Variants in ZSWIM6 observed in about 807,000 individuals in gnomAD.
ZSWIM6 encodes the protein zinc finger SWIM domain-containing protein 6.
In ZSWIM6, 9 loss-of-function variants were observed where a neutral mutation model predicts 113.2. That is an observed-to-expected ratio of 0.08 (90% CI 0.05 to 0.14). The LOEUF is 0.14. ZSWIM6 is among the 10% of genes least tolerant of loss of function. ZSWIM6 has a pLI of 1.00. For missense variants in ZSWIM6, 1,162 were observed against 1,552.2 expected, an observed-to-expected ratio of 0.75 and a Z score of 4.22; for synonymous variants, 611 against 606.5, an observed-to-expected ratio of 1.01 and a Z score of -0.11.
chr5:61,371,248 A>G (rs1745255861), intron 1 of ZSWIM6, among the ~76,000 whole-genome samples: 1 of 152,012 alleles, frequency 6.6e-6, no homozygotes, highest in Non-Finnish European at 1.5e-5. Flanking sequence ...CTCCACCTAG[A>G]TTTTGTTTTA....
In ZSWIM6 at chr5:61,472,599, C is replaced by T; in HGVS notation, c.677-82C>T. ...ATTTTTTTCTTGCTGCTGTCAAGTC[C>T]CACACATTTCAAAGAATTAGAGCAT... On this transcript the variant is annotated intron_variant, in intron 1 of 13. Coordinates refer to ENST00000252744, the MANE Select transcript of ZSWIM6 (RefSeq NM_020928.2). This position sits in a 1 kb window ranked among gnomAD's most constrained non-coding sequence, Gnocchi z 4.1. The T allele has an allele frequency of 8.8e-7, 1 of 1,141,458 alleles. No individual in the cohort carries two copies. Among genetic ancestry groups the T allele is most frequent in the South Asian group, 2.0e-5 (1 of 49,372 alleles). 70.7% of individuals were successfully genotyped at this position (1,141,458 alleles called of 1,614,324 possible).
At chr5:61,389,610 G>A (rs1222917179) in intron 1 of ZSWIM6, among the ~76,000 whole-genome samples, 3 of 146,458 alleles carry the variant, frequency 2.0e-5, no homozygotes, top group African/African-American at 7.6e-5. Context: ...AGCTGGGAAA[G>A]CGAGAAAGTC....
intron 1 of ZSWIM6, among the ~76,000 whole-genome samples, chr5:61,333,876 G>C (rs1379634650): frequency 6.6e-6 from 1 of 152,118 alleles, no homozygotes; most frequent in Non-Finnish European, 1.5e-5. Context: ...GCGGTCGGCA[G>C]TTGCGGATTT....
chr5:61,350,057 A>T (rs1224975885), intron 1 of ZSWIM6, among the ~76,000 whole-genome samples: 1 of 152,232 alleles, frequency 6.6e-6, no homozygotes, highest in Non-Finnish European at 1.5e-5. Context: ...AATTTGCATA[A>T]CATGGGGTAC....
chr5:61,453,615 G>A (rs1747135231), intron 1 of ZSWIM6, among the ~76,000 whole-genome samples: 1 of 151,826 alleles, frequency 6.6e-6, no homozygotes. Context: ...GGCTCAAGCA[G>A]TCCACTTGCC....
intron 5 of ZSWIM6, 49 bp downstream of exon 5, chr5:61,521,491 A>T (rs1749119617): frequency 7.6e-7 from 1 of 1,316,738 alleles, no homozygotes; most frequent in Non-Finnish European, 9.9e-7. Flanking sequence ...TTAATTATGC[A>T]TATGTGCTTA....
intron 4 of ZSWIM6, among the ~76,000 whole-genome samples, chr5:61,509,450 G>A (rs61431275): frequency 0.067 from 10,161 of 152,214 alleles, 625 homozygotes; most frequent in South Asian, 0.18. Context: ...GGAAGAGTAC[G>A]CACATAGAGA....
intron 1 of ZSWIM6, among the ~76,000 whole-genome samples, chr5:61,438,765 G>A (rs1238097956): frequency 6.6e-6 from 1 of 152,128 alleles, no homozygotes; most frequent in Non-Finnish European, 1.5e-5. Context: ...TACATGTAAT[G>A]AATAGTTAAT....
At chr5:61,364,800 G>C (rs1255251161) in intron 1 of ZSWIM6, among the ~76,000 whole-genome samples, 1 of 152,236 alleles carries the variant, frequency 6.6e-6, no homozygotes, top group East Asian at 1.9e-4. Context: ...ATTCATGAGG[G>C]TTCTGCCCTC....
intron 1 of ZSWIM6, chr5:61,391,262 G>A: frequency 1.1e-6 from 1 of 898,420 alleles, no homozygotes. Flanking sequence ...ACAGGTACCT[G>A]CTGCTCAAGC....
intron 1 of ZSWIM6, among the ~76,000 whole-genome samples, chr5:61,423,301 G>A (rs982585912): frequency 2.0e-5 from 3 of 151,924 alleles, no homozygotes; most frequent in African/African-American, 7.3e-5. Flanking sequence ...CCAGCTACTC[G>A]GTAGGCTGAG....
chr5:61,524,197 G>C (rs930793745), intron 5 of ZSWIM6, among the ~76,000 whole-genome samples: 3 of 152,174 alleles, frequency 2.0e-5, no homozygotes, highest in Non-Finnish European at 4.4e-5. Context: ...CCAATTTCTT[G>C]CTGGGCATGG....
intron 6 of ZSWIM6, 52 bp from the exon 7 acceptor site, chr5:61,526,198 T>A: frequency 6.7e-7 from 1 of 1,501,024 alleles, no homozygotes; most frequent in Non-Finnish European, 8.9e-7. Context: ...AATTCTTTTT[T>A]TATGGATATA....
intron 1 of ZSWIM6, among the ~76,000 whole-genome samples, chr5:61,382,813 AAAAAAAG>A (rs1282169645): frequency 7.3e-6 from 1 of 137,762 alleles, no homozygotes; most frequent in Non-Finnish European, 1.7e-5. Flanking sequence ...TAAAAATAAA[AAAAAAAG>A]AAAGAAAGAA....
intron 1 of ZSWIM6, among the ~76,000 whole-genome samples, chr5:61,428,823 T>G (rs1335031044): frequency 6.6e-6 from 1 of 152,232 alleles, no homozygotes; most frequent in Non-Finnish European, 1.5e-5. Context: ...ATTTTTTTCT[T>G]TCTTTCTGAT....
rs2112301773 is a variant in ZSWIM6 at position 61,546,071 on chromosome 5, TAC to T, written c.*1757_*1758del. 1 of 152,366 alleles carries T rather than the reference TAC, an allele frequency of 6.6e-6. No individual in the cohort carries two copies. The highest frequency in any genetic ancestry group is 1.5e-5 in the Non-Finnish European group (1 of 68,030). The allele number at this position is 152,366 out of a possible 1,614,324, so 9.4% of individuals were successfully genotyped here. A position where few individuals can be genotyped will look rare whatever the true frequency, so the allele number is the denominator to read the frequency against. ...GAAGTTGAAAGTAATTAAGATTTGA[TAC>T]ACTGATATCAATTTATTTATGTAAC... On this transcript the variant is annotated 3_prime_UTR_variant, in exon 14 of 14. Coordinates refer to ENST00000252744, the MANE Select transcript of ZSWIM6 (RefSeq NM_020928.2).
intron 1 of ZSWIM6, among the ~76,000 whole-genome samples, chr5:61,422,927 T>C (rs762978445): frequency 2.0e-5 from 3 of 152,228 alleles, no homozygotes; most frequent in Admixed American, 1.3e-4. Flanking sequence ...ATACTAAATA[T>C]GTTTATCAGA....
intron 1 of ZSWIM6, among the ~76,000 whole-genome samples, chr5:61,468,490 G>A (rs546461256): frequency 6.6e-6 from 1 of 152,190 alleles, no homozygotes; most frequent in African/African-American, 2.4e-5. Context: ...ACAGAGCGCA[G>A]GATTGTCCCT....
At chr5:61,478,754 TTAG>T (rs1216263702) in intron 2 of ZSWIM6, among the ~76,000 whole-genome samples, 1 of 151,988 alleles carries the variant, frequency 6.6e-6, no homozygotes, top group African/African-American at 2.4e-5. Flanking sequence ...TAACAGATTC[TTAG>T]TAGTAGAAAT....
Sources: allele counts gnomAD v4.1 joint callset (sites outside exome capture counted in the v4.1 genomes callset), GRCh38; gene constraint gnomAD v4.1.1; non-coding constraint Gnocchi (gnomAD v3.1); transcripts MANE v1.5; gene names NCBI Gene and HGNC (gene_info 2026-07-23, HGNC 2026-07-21).